The following SLC22A15 variants were observed in gnomAD, a reference collection of about 807,000 sequenced individuals.
The protein encoded by SLC22A15 is solute carrier family 22 member 15, also known as flipt 1.
SLC22A15 carries 45 observed loss-of-function variants against 62.7 expected under a neutral mutation model. That is an observed-to-expected ratio of 0.72 (90% CI 0.56 to 0.92). The LOEUF is 0.92. Among genes scored for constraint, SLC22A15 ranks in the 40% least tolerant of loss-of-function variants. The pLI is 0.00. For missense variants in SLC22A15, 622 were observed against 665.6 expected (o/e 0.93, Z 0.72); for synonymous variants, 264 against 267.0 (o/e 0.99, Z 0.11).
chr1:116,023,325 A>C (rs1656932171), intron 4 of SLC22A15, among the ~76,000 whole-genome samples: 1 of 152,214 alleles, frequency 6.6e-6, no homozygotes, highest in African/African-American at 2.4e-5. Flanking sequence ...GAAGCTGTGA[A>C]AAATTCCATA....
rs1427826843 is a variant in SLC22A15 at position 116,068,692 on chromosome 1, G to C, written c.*1584G>C. The C allele has an allele frequency of 1.3e-5, 2 of 152,120 alleles. No individual in the cohort carries two copies. Among genetic ancestry groups the C allele is most frequent in the Non-Finnish European group, 2.9e-5 (2 of 68,026 alleles). 9.4% of individuals were successfully genotyped at this position (152,120 alleles called of 1,614,324 possible). A position where few individuals can be genotyped will look rare whatever the true frequency, so the allele number is the denominator to read the frequency against. On this transcript the variant is annotated 3_prime_UTR_variant, in exon 12 of 12. Transcript: ENST00000369503. ...GTTTCTAGCCATCAGGGAGATTGTGGAACTCCTCCCAGTATAATTTTTACA... is the reference window on the plus strand; with the variant it reads ...GTTTCTAGCCATCAGGGAGATTGTGCAACTCCTCCCAGTATAATTTTTACA...
intron 2 of SLC22A15, among the ~76,000 whole-genome samples, chr1:116,014,375 G>C (rs923770733): frequency 1.3e-5 from 2 of 152,162 alleles, no homozygotes; most frequent in Admixed American, 6.5e-5. Flanking sequence ...TTATACGAGT[G>C]CTTTTAGTGC....
chr1:116,006,624 C>G (rs374491365), intron 2 of SLC22A15, among the ~76,000 whole-genome samples: 2 of 152,096 alleles, frequency 1.3e-5, no homozygotes, highest in African/African-American at 4.8e-5. Context: ...CCCTTGCCAC[C>G]TGTCTTTGTC....
intron 8 of SLC22A15, among the ~76,000 whole-genome samples, chr1:116,047,169 C>T (rs1470952662): frequency 6.6e-6 from 1 of 152,168 alleles, no homozygotes; most frequent in Non-Finnish European, 1.5e-5. Context: ...TGGCTTACAC[C>T]TGTAATCCCA....
chr1:116,016,647 G>C (rs1013005996), intron 2 of SLC22A15, among the ~76,000 whole-genome samples: 9 of 152,128 alleles, frequency 5.9e-5, no homozygotes, highest in Non-Finnish European at 1.3e-4. Flanking sequence ...TCTTCACACA[G>C]AACTCTTGAA....
Position 116,069,825 on chromosome 1 carries a change from G to A in SLC22A15, c.*2717G>A, listed in dbSNP as rs1471076056. On this transcript the variant is annotated 3_prime_UTR_variant, in exon 12 of 12. Transcript: ENST00000369503. The stretch of plus-strand genomic sequence containing the variant: ...CAGATATTTTTATGGTGGGCAAATT[G>A]ATGAAGATACTTTTAGTAGGTGATT... 1 of 152,146 alleles carries A rather than the reference G, an allele frequency of 6.6e-6. No homozygotes were observed. Among genetic ancestry groups the A allele is most frequent in the Non-Finnish European group, 1.5e-5 (1 of 68,022 alleles). 9.4% of individuals were successfully genotyped at this position (152,146 alleles called of 1,614,324 possible).
At chr1:116,053,297 G>A (rs953856508) in intron 8 of SLC22A15, among the ~76,000 whole-genome samples, 1 of 152,138 alleles carries the variant, frequency 6.6e-6, no homozygotes, top group Non-Finnish European at 1.5e-5. Context: ...TGGAAGAAAG[G>A]GTATCAGTGA....
At chr1:115,977,006 A>G (rs1654337800) in intron 1 of SLC22A15, among the ~76,000 whole-genome samples, 1 of 152,150 alleles carries the variant, frequency 6.6e-6, no homozygotes, top group African/African-American at 2.4e-5. Context: ...CTCAGCCGCT[A>G]TGCTGGTTAA....
At chr1:116,057,378 A>T (rs886282496) in intron 8 of SLC22A15, among the ~76,000 whole-genome samples, 1 of 151,854 alleles carries the variant, frequency 6.6e-6, no homozygotes, top group African/African-American at 2.4e-5. Context: ...CACCAGTTAG[A>T]ATGGTGATCA....
chr1:116,052,047 T>C (rs1658067849), intron 8 of SLC22A15, among the ~76,000 whole-genome samples: 3 of 152,246 alleles, frequency 2.0e-5, no homozygotes, highest in Admixed American at 1.3e-4. Context: ...TGCCAGACAG[T>C]GGGCGCAGGA....
Position 116,067,311 on chromosome 1 carries a change from AAT to A in SLC22A15, c.*205_*206del. On this transcript the variant is annotated 3_prime_UTR_variant, in exon 12 of 12. Transcript: ENST00000369503. ...AAAGACAACATCACTGCATTGAGAG[AAT>A]AGTTGTTAATTTGTTTAGAATTTAA... 1 of 539,586 alleles carries A rather than the reference AAT, an allele frequency of 1.9e-6. No individual in the cohort carries two copies. The highest frequency in any genetic ancestry group is 3.3e-6 in the Non-Finnish European group (1 of 304,310). 33.4% of individuals were successfully genotyped at this position (539,586 alleles called of 1,614,324 possible).
intron 2 of SLC22A15, among the ~76,000 whole-genome samples, chr1:116,005,961 G>A (rs1269093598): frequency 2.6e-5 from 4 of 152,284 alleles, no homozygotes; most frequent in Middle Eastern, 3.4e-3. Context: ...AATAAGCAAA[G>A]CACTCATTTC....
intron 2 of SLC22A15, among the ~76,000 whole-genome samples, chr1:116,005,051 C>CT (rs1462097852): frequency 1.3e-5 from 2 of 151,900 alleles, no homozygotes; most frequent in Non-Finnish European, 2.9e-5. Context: ...GCATTTGTGT[C>CT]TTTTTTTCTT....
At chr1:115,990,780 C>T (rs569763032) in intron 1 of SLC22A15, among the ~76,000 whole-genome samples, 11 of 152,176 alleles carry the variant, frequency 7.2e-5, no homozygotes, top group Admixed American at 5.2e-4. Flanking sequence ...TTTTTTGATA[C>T]GGAGTCTTGC....
intron 5 of SLC22A15, among the ~76,000 whole-genome samples, chr1:116,030,318 T>G (rs1481336683): frequency 6.6e-6 from 1 of 152,214 alleles, no homozygotes; most frequent in Non-Finnish European, 1.5e-5. Context: ...CCATTAAGTT[T>G]CCAAATCCTG....
chr1:116,065,772 A>G (rs1291900428), intron 10 of SLC22A15, among the ~76,000 whole-genome samples: 1 of 152,176 alleles, frequency 6.6e-6, no homozygotes, highest in Non-Finnish European at 1.5e-5. Flanking sequence ...GGAAGCCTAA[A>G]CCAGAAGATC....
rs1434687708 is a variant in SLC22A15 at position 116,026,986 on chromosome 1, T to C, written c.692T>C (p.Val231Ala). ...IRSWRTLAIL[V>A]NLQGTVVFLL... ...TCCTGGAGGACCCTAGCCATTCTGGTTAACCTGCAGGGAACGGTGGTCTTT... is the reference window on the plus strand; with the variant it reads ...TCCTGGAGGACCCTAGCCATTCTGGCTAACCTGCAGGGAACGGTGGTCTTT... Residue 231 changes from valine to alanine, a missense_variant, in exon 5 of 12, where the codon GTT becomes GCT. Transcript: ENST00000369503. 15 of 1,613,924 alleles carry C rather than the reference T, an allele frequency of 9.3e-6. No individual in the cohort carries two copies. The highest frequency in any genetic ancestry group is 1.3e-5 in the Non-Finnish European group (15 of 1,179,812).
chr1:116,036,364 G>A (rs918551673), intron 7 of SLC22A15, among the ~76,000 whole-genome samples: 3 of 152,128 alleles, frequency 2.0e-5, no homozygotes, highest in Non-Finnish European at 2.9e-5. Flanking sequence ...CTAGCATGGT[G>A]TGTGTTACTT....
intron 2 of SLC22A15, among the ~76,000 whole-genome samples, chr1:116,018,320 A>G (rs1656645025): frequency 6.6e-6 from 1 of 152,128 alleles, no homozygotes; most frequent in Non-Finnish European, 1.5e-5. Flanking sequence ...TTCAGAGTTT[A>G]GGTTGTAGCA....
Sources: allele counts gnomAD v4.1 joint callset (sites outside exome capture counted in the v4.1 genomes callset), GRCh38; gene constraint gnomAD v4.1.1; transcripts MANE v1.5; gene names NCBI Gene and HGNC (gene_info 2026-07-23, HGNC 2026-07-21).